Variants in ZDHHC23 observed in about 807,000 individuals in gnomAD.
ZDHHC23 encodes the protein zDHHC palmitoyltransferase 23, also known as palmitoyltransferase ZDHHC23.
ZDHHC23 carries 41 observed loss-of-function variants against 40.2 expected under a neutral mutation model. The observed-to-expected ratio is 1.02, with a 90% CI of 0.79 to 1.32. The LOEUF (loss-of-function observed/expected upper bound fraction) is 1.32. Among genes scored for constraint, ZDHHC23 ranks in the 40% most tolerant of loss-of-function variants. ZDHHC23 has a pLI of 0.00. For synonymous variants in ZDHHC23, 204 were observed against 210.2 expected (o/e 0.97, Z 0.26); for missense variants, 471 against 541.5 (o/e 0.87, Z 1.29).
At chr3:113,977,360 G>A in the ZDHHC23 span, among the ~76,000 whole-genome samples, 23 of 152,096 alleles carry the variant, frequency 1.5e-4, no homozygotes, top group East Asian at 4.3e-3. Flanking sequence ...GAATACACCC[G>A]GCACACTAAC....
chr3:113,963,396 G>T (rs917764296), downstream of ZDHHC23: 2 of 151,680 alleles, frequency 1.3e-5, no homozygotes, highest in Non-Finnish European at 2.9e-5. Context: ...TTATTTATGC[G>T]CCTGGCATGT....
rs901977864 is a variant in ZDHHC23, at chr3:113,963,278, G to A, written c.*4648G>A. On this transcript the variant is annotated 3_prime_UTR_variant, in exon 5 of 5. Coordinates refer to ENST00000638807, the MANE Select transcript of ZDHHC23 (RefSeq NM_001320466.2). ...TAGAAGGCTCTGTATTCGGTAAAAA[G>A]TCTAGCTGGCGCCATTGGAATATGG... is the stretch of plus-strand genomic sequence containing the variant. 2.3e-4 allele frequency: 35 copies of A among 152,028 alleles called. No homozygotes were observed. Among genetic ancestry groups the A allele is most frequent in the African/African-American group, 8.2e-4 (34 of 41,388 alleles). The allele number at this position is 152,028 out of a possible 1,614,324, so 9.4% of individuals were successfully genotyped here. A position where few individuals can be genotyped will look rare whatever the true frequency, so the allele number is the denominator to read the frequency against.
chr3:113,967,661 G>A (rs1940348978), downstream of ZDHHC23, among the ~76,000 whole-genome samples: 1 of 151,830 alleles, frequency 6.6e-6, no homozygotes. Flanking sequence ...ATTCTCTTCT[G>A]GTTATTTTGA....
intron 2 of ZDHHC23, 85 bp downstream of exon 2, chr3:113,949,048 C>A: frequency 6.5e-7 from 1 of 1,526,738 alleles, no homozygotes; most frequent in South Asian, 1.2e-5. Context: ...ACCCAGAATG[C>A]TAGAATTTGC....
At position 113,954,293 on chromosome 3, in the gene ZDHHC23, G is replaced by A. The variant is rs532588442; in HGVS notation, c.755G>A (p.Ser252Asn). 1.4e-5 allele frequency: 22 copies of A among 1,614,136 alleles called. No homozygotes were observed. In the South Asian group the frequency reaches 2.4e-4, roughly 18 times the overall value. Reference sequence around the variant, plus strand: ...GGCTCTTCCAAGATGCCAGCTGGAAGCCCCACCAAAGCGAAGGAGGACTGG... The same window carrying A: ...GGCTCTTCCAAGATGCCAGCTGGAAACCCCACCAAAGCGAAGGAGGACTGG... ...PKGSSKMPAG[S>N]PTKAKEDWCA... Residue 252 changes from serine to asparagine, a missense_variant, in exon 3 of 5, where the codon AGC becomes AAC. Physicochemically the swap from Ser to Asn is conservative, Grantham distance 46. This residue lies in a region of ZDHHC23 where 346 missense variants were observed against 399.8 expected (regional missense o/e 0.87). Transcript: ENST00000638807.
intron 4 of ZDHHC23, 28 bp from the exon 5 acceptor site, chr3:113,958,335 G>A: frequency 6.3e-7 from 1 of 1,575,614 alleles, no homozygotes; most frequent in South Asian, 1.1e-5. Context: ...AAAAACGGCA[G>A]CCCTGACAGC....
At chr3:113,977,391 A>C in the ZDHHC23 span, among the ~76,000 whole-genome samples, 1 of 152,222 alleles carries the variant, frequency 6.6e-6, no homozygotes, top group Non-Finnish European at 1.5e-5. Flanking sequence ...AATGACACCA[A>C]ATCACCACTC....
Position 113,948,982 on chromosome 3 carries a change from T to G in ZDHHC23, c.161+19T>G. ...GTGATCGGTAAGAACAGAGCATTTC[T>G]TGACGCTGGCCCCATCACCCTTCTG... On this transcript the variant is annotated intron_variant, in intron 2 of 4. Coordinates refer to ENST00000638807, the MANE Select transcript of ZDHHC23 (RefSeq NM_001320466.2). The G allele has an allele frequency of 6.2e-7, 1 of 1,613,764 alleles. No individual in the cohort carries two copies. Among genetic ancestry groups the G allele is most frequent in the Non-Finnish European group, 8.5e-7 (1 of 1,179,836 alleles).
chr3:113,948,747 C>G lies in ZDHHC23; in HGVS notation c.-56C>G. On this transcript the variant is annotated 5_prime_UTR_variant, in exon 2 of 5. Coordinates refer to ENST00000638807, the MANE Select transcript of ZDHHC23 (RefSeq NM_001320466.2). ...CTATTTACGAGATGTAAGTTGTGTT[C>G]TTTCCACCTTTACCTTCTGAGGGCT... The G allele has an allele frequency of 1.2e-6, 2 of 1,606,390 alleles. No individual in the cohort carries two copies. The highest frequency in any genetic ancestry group is 2.2e-5 in the South Asian group (2 of 90,648).
chr3:113,968,104 A>G (rs1940399187), downstream of ZDHHC23, among the ~76,000 whole-genome samples: 1 of 152,192 alleles, frequency 6.6e-6, no homozygotes, highest in African/African-American at 2.4e-5. Context: ...CGGACATGCA[A>G]ATATCTCTTG....
At chr3:113,976,997 A>T in the ZDHHC23 span, among the ~76,000 whole-genome samples, 3 of 152,218 alleles carry the variant, frequency 2.0e-5, no homozygotes, top group Non-Finnish European at 4.4e-5. Context: ...AAGGACAAAC[A>T]GGTTTTGGTG....
Position 113,959,066 on chromosome 3 carries a change from C to A in ZDHHC23, c.*436C>A. 1 of 951,968 alleles carries A rather than the reference C, an allele frequency of 1.1e-6. No homozygotes were observed. Among genetic ancestry groups the A allele is most frequent in the Non-Finnish European group, 1.3e-6 (1 of 743,608 alleles). 59.0% of individuals were successfully genotyped at this position (951,968 alleles called of 1,614,324 possible). A position where few individuals can be genotyped will look rare whatever the true frequency, so the allele number is the denominator to read the frequency against. On this transcript the variant is annotated 3_prime_UTR_variant, in exon 5 of 5. Coordinates refer to ENST00000638807, the MANE Select transcript of ZDHHC23 (RefSeq NM_001320466.2). The stretch of plus-strand genomic sequence containing the variant: ...CTGCAAAGTGGGGTACTGATGCCTG[C>A]CCTGGCTACCTCACAGAGCCGTCAT...
Position 113,948,673 on chromosome 3 carries a change from T to G in ZDHHC23, c.-117-13T>G. 9.0e-7 allele frequency: 1 copy of G among 1,109,798 alleles called. No homozygotes were observed. The highest frequency in any genetic ancestry group is 1.3e-6 in the Non-Finnish European group (1 of 785,952). 68.7% of individuals were successfully genotyped at this position (1,109,798 alleles called of 1,614,324 possible). ...CCCCCTCCCCCTCTCTCTTCTCATT[T>G]TTGATTGCTCAGGCGTTGGAGGTTA... On this transcript the variant is annotated splice_polypyrimidine_tract_variant and intron_variant, in intron 1 of 4. Transcript: ENST00000638807.
chr3:113,965,053 A>C, downstream of ZDHHC23: 3 of 600,972 alleles, frequency 5.0e-6, no homozygotes, highest in Non-Finnish European at 5.5e-6. Flanking sequence ...AGTAGCTCGT[A>C]GAGAATAAAC....
chr3:113,976,732 T>C, the ZDHHC23 span, among the ~76,000 whole-genome samples: 1 of 151,984 alleles, frequency 6.6e-6, no homozygotes, highest in South Asian at 2.1e-4. Flanking sequence ...CAGCAATCCA[T>C]AAGATAGATA....
In ZDHHC23 at chr3:113,959,630, G is replaced by A. The variant is rs982898922; in HGVS notation, c.*1000G>A. 4.1e-5 allele frequency: 48 copies of A among 1,174,054 alleles called. No individual in the cohort carries two copies. The Middle Eastern group carries it at 3.3e-3, about 80-fold the overall frequency. 72.7% of individuals were successfully genotyped at this position (1,174,054 alleles called of 1,614,324 possible). On this transcript the variant is annotated 3_prime_UTR_variant, in exon 5 of 5. Coordinates refer to ENST00000638807, the MANE Select transcript of ZDHHC23 (RefSeq NM_001320466.2). ...GAAGGCTGAGTAACATCACGGGCTC[G>A]ATTATTTTCTTCATGTATTTCAAAT...
chr3:113,973,590 T>G, the ZDHHC23 span, among the ~76,000 whole-genome samples: 1 of 142,518 alleles, frequency 7.0e-6, no homozygotes, highest in Non-Finnish European at 1.6e-5. Flanking sequence ...TATTCTTGGA[T>G]GGCAGGTTTT....
Position 113,960,636 on chromosome 3 carries a change from G to T in ZDHHC23, c.*2006G>T. The T allele has an allele frequency of 6.3e-7, 1 of 1,589,882 alleles. No homozygotes were observed. The highest frequency in any genetic ancestry group is 2.3e-5 in the East Asian group (1 of 43,382). ...ACATCTAAATGTAATGTGATGTGAT[G>T]AAGATAAGTAGTACAAAGAGACCAA... On this transcript the variant is annotated 3_prime_UTR_variant, in exon 5 of 5. Transcript: ENST00000638807.
rs1157156229 is a variant in ZDHHC23 at position 113,956,525 on chromosome 3, A to G, written c.1040+19A>G. ...ATTACAGGTGAGCAGTGGGTACCAC[A>G]GTATGGAGGCCCCCTGGGAAGTAAT... On this transcript the variant is annotated intron_variant, in intron 4 of 4. Transcript: ENST00000638807. 6.3e-7 allele frequency: 1 copy of G among 1,597,850 alleles called. No individual in the cohort carries two copies. Among genetic ancestry groups the G allele is most frequent in the Admixed American group, 1.8e-5 (1 of 56,714 alleles).
Sources: gnomAD v4.1 joint callset for allele counts (sites outside exome capture counted in the v4.1 genomes callset) on GRCh38, gnomAD v4.1.1 for gene constraint, gnomAD v4.1.1 regional missense constraint, MANE v1.5 for transcripts, NCBI Gene and HGNC (gene_info 2026-07-23, HGNC 2026-07-21) for gene names.